Variants in SCN9A observed in about 807,000 individuals in gnomAD.
The protein encoded by SCN9A is sodium voltage-gated channel alpha subunit 9, also known as sodium channel protein type 9 subunit alpha.
In SCN9A, 131 loss-of-function variants were observed where a neutral mutation model predicts 187.0. The ratio of observed to expected loss-of-function variants is 0.70; its 90% CI spans 0.61 to 0.81. The LOEUF is 0.81. Ranked by LOEUF, SCN9A falls within the 30% of genes least tolerant of loss-of-function variation. The probability of loss-of-function intolerance (pLI) is 0.00; values close to 1 mark genes in which losing one functional copy is unlikely to be tolerated. For synonymous variants in SCN9A, 809 were observed against 808.6 expected (o/e 1.00, Z -0.01); for missense variants, 2,252 against 2,396.6 (o/e 0.94, Z 1.26).
Position 166,228,314 on chromosome 2 carries a change from T to C in SCN9A, c.4206+377A>G, listed in dbSNP as rs544993037. Among the ~76,000 whole-genome samples, 319 of 141,292 alleles carry C rather than the reference T, an allele frequency of 2.3e-3. 2 individuals are homozygous for C. Among genetic ancestry groups the C allele is most frequent in the African/African-American group, 8.0e-3 (303 of 37,978 alleles). The allele number at this position is 141,292 out of a possible 152,430, so 92.7% of individuals were successfully genotyped here. ...CTCTGTAGCCCAGGCTGGAGTGCAG[T>C]GGCACGATCTTGGCCCACTGCAACC... On this transcript the variant is annotated intron_variant, in intron 22 of 26. Coordinates refer to ENST00000642356, the MANE Select transcript of SCN9A (RefSeq NM_001365536.1).
intron 1 of SCN9A, among the ~76,000 whole-genome samples, chr2:166,335,260 CTAAACA>C (rs143161505): frequency 0.023 from 3,449 of 152,142 alleles, 70 homozygotes; most frequent in Non-Finnish European, 0.036. Context: ...AAACTCATAA[CTAAACA>C]TAAACAAGAG....
intron 17 of SCN9A, among the ~76,000 whole-genome samples, chr2:166,254,855 T>G (rs1458103346): frequency 6.9e-6 from 1 of 145,518 alleles, no homozygotes. Context: ...ATAAAGTAAA[T>G]ATAAATATAA....
chr2:166,284,368 G>A (rs1697630862), intron 12 of SCN9A, 85 bp downstream of exon 12: 4 of 1,475,930 alleles, frequency 2.7e-6, no homozygotes, highest in Non-Finnish European at 3.7e-6. Context: ...CCATTCACAA[G>A]ACCAGAGAAG....
intron 1 of SCN9A, among the ~76,000 whole-genome samples, chr2:166,374,416 C>A (rs1469194324): frequency 6.6e-6 from 1 of 152,104 alleles, no homozygotes; most frequent in Non-Finnish European, 1.5e-5. Flanking sequence ...ATAAGCTAGT[C>A]TAACAATCAT....
At chr2:166,293,469 G>C in intron 8 of SCN9A, 97 bp from the exon 9 acceptor site, 2 of 1,041,092 alleles carry the variant, frequency 1.9e-6, no homozygotes, top group Non-Finnish European at 2.7e-6. Flanking sequence ...TCTTCTATAG[G>C]GGGACAATAT....
In SCN9A at chr2:166,209,470, G is replaced by A. The variant is rs1377601838; in HGVS notation, c.4399-5006C>T. On this transcript the variant is annotated intron_variant, in intron 24 of 26. Transcript: ENST00000642356. ...TGAACACAATGAGGATATCAATGAA[G>A]GGAAAGAAACTATACACACACACAC... Among the ~76,000 whole-genome samples the A allele has an allele frequency of 3.9e-5, 6 of 151,958 alleles. 1 individual carries two copies. Among genetic ancestry groups the A allele is most frequent in the African/African-American group, 1.4e-4 (6 of 41,380 alleles).
intron 7 of SCN9A, among the ~76,000 whole-genome samples, chr2:166,297,348 C>T (rs546167342): frequency 2.3e-4 from 35 of 151,556 alleles, no homozygotes; most frequent in South Asian, 4.2e-4. Context: ...AACCAAAAGA[C>T]GGAAATAACC....
At chr2:166,266,372 T>C (rs1696737943) in intron 17 of SCN9A, among the ~76,000 whole-genome samples, 1 of 151,954 alleles carries the variant, frequency 6.6e-6, no homozygotes, top group Non-Finnish European at 1.5e-5. Context: ...CAGTTGACTG[T>C]ATATGTGTAG....
chr2:166,234,737 C>G (rs1239930683), intron 20 of SCN9A, among the ~76,000 whole-genome samples: 5 of 152,082 alleles, frequency 3.3e-5, no homozygotes, highest in African/African-American at 4.8e-5. Context: ...TATGCTCCCT[C>G]TTTAATCAGA....
At chr2:166,314,885 A>G (rs897273389) in intron 1 of SCN9A, among the ~76,000 whole-genome samples, 1 of 152,230 alleles carries the variant, frequency 6.6e-6, no homozygotes, top group Admixed American at 6.5e-5. Context: ...CTAAAACTAC[A>G]TAATGATGAT....
intron 1 of SCN9A, among the ~76,000 whole-genome samples, chr2:166,354,962 G>T (rs1238004230): frequency 1.3e-5 from 2 of 151,410 alleles, no homozygotes; most frequent in African/African-American, 4.9e-5. Flanking sequence ...TTTTTTTAAA[G>T]AGACAATGTC....
rs1399942162 is a variant in SCN9A at position 166,199,160 on chromosome 2, C to A, written c.5479G>T (p.Asp1827Tyr). 2 of 1,614,032 alleles carry A rather than the reference C, an allele frequency of 1.2e-6. No individual in the cohort carries two copies. The highest frequency in any genetic ancestry group is 1.7e-6 in the Non-Finnish European group (2 of 1,180,046). ...KPNKVQLIAM[D>Y]LPMVSGDRIH... ...CGGTCACCACTAACCATGGGCAGAT[C>A]CATGGCAATGAGCTGGACTTTGTTG... Residue 1827 changes from aspartate to tyrosine, a missense_variant, in exon 27 of 27, where the codon GAT becomes TAT. Asp to Tyr is a radical substitution (Grantham distance 160). Coordinates refer to ENST00000642356, the MANE Select transcript of SCN9A (RefSeq NM_001365536.1).
At chr2:166,313,061 AT>A (rs1485244197) in intron 1 of SCN9A, among the ~76,000 whole-genome samples, 8 of 148,806 alleles carry the variant, frequency 5.4e-5, no homozygotes, top group Non-Finnish European at 1.0e-4. Context: ...GAATATAATT[AT>A]TTAATTTTCT....
At chr2:166,235,931 C>G (rs1420771953) in intron 20 of SCN9A, among the ~76,000 whole-genome samples, 1 of 151,954 alleles carries the variant, frequency 6.6e-6, no homozygotes, top group African/African-American at 2.4e-5. Flanking sequence ...CATTATTAAA[C>G]AGCCATATCT....
chr2:166,237,832 G>C (rs560049795), intron 20 of SCN9A, among the ~76,000 whole-genome samples: 1 of 151,860 alleles, frequency 6.6e-6, no homozygotes, highest in Non-Finnish European at 1.5e-5. Flanking sequence ...CATCTCCTTT[G>C]CAGAAAACAT....
intron 9 of SCN9A, among the ~76,000 whole-genome samples, chr2:166,290,132 G>A (rs887205678): frequency 7.0e-6 from 1 of 143,796 alleles, no homozygotes; most frequent in African/African-American, 2.6e-5. Context: ...TGTTCAAATT[G>A]TTCAACTCCC....
At chr2:166,247,152 G>A (rs16851834) in intron 18 of SCN9A, among the ~76,000 whole-genome samples, 15,469 of 58,616 alleles carry the variant, frequency 0.26, 1,318 homozygotes, top group East Asian at 0.47. Context: ...TTAAACCAAA[G>A]CTCTCAAAAA....
chr2:166,303,146 T>C lies in SCN9A; in HGVS notation c.845A>G (p.Asn282Ser). The C allele has an allele frequency of 6.2e-7, 1 of 1,611,626 alleles. No individual in the cohort carries two copies. The highest frequency in any genetic ancestry group is 8.5e-7 in the Non-Finnish European group (1 of 1,178,464). ...CATTATGCTTTCTAATGTTTCATTA[T>C]TTTCAAGTGAATTTCGAAAACATTT... Reference protein sequence around the residue: ...KHKCFRNSLENNETLESIMNT... With the variant: ...KHKCFRNSLESNETLESIMNT... Residue 282 changes from asparagine (N) to serine (S), a missense_variant, in exon 7 of 27, where the codon AAT becomes AGT. This residue lies in a region of SCN9A where 1,013 missense variants were observed against 997.4 expected (regional missense o/e 1.02). Coordinates refer to ENST00000642356, the MANE Select transcript of SCN9A (RefSeq NM_001365536.1).
Position 166,199,989 on chromosome 2 carries a change from T to G in SCN9A, c.4775-125A>C, listed in dbSNP as rs1427081100. 4.1e-5 allele frequency: 15 copies of G among 369,500 alleles called. No individual in the cohort carries two copies. In the African/African-American group the frequency reaches 6.4e-4, roughly 16 times the overall value. 22.9% of individuals were successfully genotyped at this position (369,500 alleles called of 1,614,324 possible). On this transcript the variant is annotated intron_variant, in intron 26 of 26. Transcript: ENST00000642356. ...AATTCAAGACAGTTTTTTTTTTTTT[T>G]TTTTTTTTTTTTTTTTTTTTTTTTT...
Sources: gnomAD v4.1 joint callset for allele counts (sites outside exome capture counted in the v4.1 genomes callset) on GRCh38, gnomAD v4.1.1 for gene constraint, gnomAD v4.1.1 regional missense constraint, MANE v1.5 for transcripts, NCBI Gene and HGNC (gene_info 2026-07-23, HGNC 2026-07-21) for gene names.